BTNL8: variants seen among roughly 807,000 people sequenced by gnomAD.
BTNL8 encodes butyrophilin like 8, also known as butyrophilin-like protein 8.
BTNL8 carries 22 observed loss-of-function variants against 36.1 expected under a neutral mutation model. The ratio of observed to expected loss-of-function variants is 0.61; its 90% CI spans 0.44 to 0.87. BTNL8 has a LOEUF of 0.87. BTNL8 is among the 40% of genes least tolerant of loss of function. BTNL8 has a pLI of 0.00. For synonymous variants in BTNL8, 203 were observed against 235.6 expected, an observed-to-expected ratio of 0.86 and a Z score of 1.27; for missense variants, 526 against 616.9, an observed-to-expected ratio of 0.85 and a Z score of 1.56.
chr5:180,913,572 AG>A (rs1322830211), intron 3 of BTNL8, among the ~76,000 whole-genome samples: 1 of 152,216 alleles, frequency 6.6e-6, no homozygotes, highest in Non-Finnish European at 1.5e-5. Flanking sequence ...CAAGGACGTA[AG>A]GTTGGCTCAA....
intron 3 of BTNL8, among the ~76,000 whole-genome samples, chr5:180,945,570 G>C (rs1220842090): frequency 6.6e-6 from 1 of 152,102 alleles, no homozygotes; most frequent in Non-Finnish European, 1.5e-5. Context: ...AGCTGATAGA[G>C]GGTTAATAAC....
chr5:180,945,032 A>G (rs2113862685), intron 3 of BTNL8, among the ~76,000 whole-genome samples: 1 of 152,374 alleles, frequency 6.6e-6, no homozygotes, highest in East Asian at 1.9e-4. Context: ...TTGAGCAAAA[A>G]TAACAAAGTT....
chr5:180,908,658 T>G lies in BTNL8; in HGVS notation c.122T>G (p.Phe41Cys), dbSNP rs1199566039. ...LVGEDAAFSC[F>C]LSPKTNAEAM... ...GGGGAGGACGCAGCATTCTCCTGTT[T>G]CCTGTCTCCTAAGACCAATGCAGAG... The change falls in exon 2 of 8, where the codon TTC becomes TGC. Residue 41 changes from phenylalanine (F) to cysteine (C), a missense_variant. Transcript: ENST00000340184. The G allele has an allele frequency of 6.2e-7, 1 of 1,614,216 alleles. No individual in the cohort carries two copies. Among genetic ancestry groups the G allele is most frequent in the Admixed American group, 1.7e-5 (1 of 60,022 alleles).
chr5:180,908,790 C>G lies in BTNL8; in HGVS notation c.254C>G (p.Thr85Arg). 1.2e-6 allele frequency: 2 copies of G among 1,614,120 alleles called. No individual in the cohort carries two copies. The highest frequency in any genetic ancestry group is 2.2e-5 in the South Asian group (2 of 91,084). ...CAGATGCCACAGTATCAAGGCAGGACAAAACTGGTGAAGGATTCTATTGCG... is the reference window on the plus strand; with the variant it reads ...CAGATGCCACAGTATCAAGGCAGGAGAAAACTGGTGAAGGATTCTATTGCG... ...FMQMPQYQGR[T>R]KLVKDSIAEG... is the part of the protein sequence containing the mutation. The change falls in exon 2 of 8, where the codon ACA (threonine) becomes AGA (arginine). Residue 85 changes from threonine to arginine, a missense_variant. This residue lies in a region of BTNL8 where 350 missense variants were observed against 324.6 expected (regional missense o/e 1.08). Coordinates refer to ENST00000340184, the MANE Select transcript of BTNL8 (RefSeq NM_001040462.3).
At chr5:180,947,434 A>C in intron 3 of BTNL8, 78 bp from the exon 4 acceptor site, 1 of 1,535,552 alleles carries the variant, frequency 6.5e-7, no homozygotes, top group Non-Finnish European at 8.9e-7. Flanking sequence ...TGTGGGGAAC[A>C]AGGTGACTCC....
chr5:180,907,342 C>T lies in BTNL8; in HGVS notation c.50-1244C>T, dbSNP rs1258430038. Among the ~76,000 whole-genome samples the T allele has an allele frequency of 9.1e-5, 11 of 121,078 alleles. 1 individual carries two copies. Among genetic ancestry groups the T allele is most frequent in the African/African-American group, 2.1e-4 (5 of 24,260 alleles). The allele number at this position is 121,078 out of a possible 152,430, so 79.4% of individuals were successfully genotyped here. A position where few individuals can be genotyped will look rare whatever the true frequency, so the allele number is the denominator to read the frequency against. On this transcript the variant is annotated intron_variant, in intron 1 of 7. Coordinates refer to ENST00000340184, the MANE Select transcript of BTNL8 (RefSeq NM_001040462.3). Reference sequence around the variant, plus strand: ...GCTCCTGAGGCTTCTGCATTCTTCACGTAGTTCTTGAGCCTTGGTTTTCAG... The same window carrying T: ...GCTCCTGAGGCTTCTGCATTCTTCATGTAGTTCTTGAGCCTTGGTTTTCAG...
intron 1 of BTNL8, 121 bp downstream of exon 1, chr5:180,899,480 C>A (rs1756730736): frequency 8.7e-7 from 1 of 1,149,004 alleles, no homozygotes. Flanking sequence ...TTCTCCTAGC[C>A]TCAGCCTGGG....
chr5:180,905,861 A>G (rs1446248777), intron 1 of BTNL8, among the ~76,000 whole-genome samples: 1 of 151,058 alleles, frequency 6.6e-6, no homozygotes, highest in Admixed American at 6.6e-5. Flanking sequence ...CCTGAGTTCT[A>G]GTTTGATTGC....
At chr5:180,947,484 C>A (rs3733755) in intron 3 of BTNL8, 28 bp from the exon 4 acceptor site, 376,762 of 1,602,602 alleles carry the variant, frequency 0.24, 47,712 homozygotes, top group Non-Finnish European at 0.26. Context: ...TCACCAATAA[C>A]TAAAATGTCT....
chr5:180,941,126 AAGGAAGGAAG>A (rs1758922920), intron 3 of BTNL8, among the ~76,000 whole-genome samples: 2 of 150,130 alleles, frequency 1.3e-5, no homozygotes, highest in Non-Finnish European at 1.5e-5. Flanking sequence ...GGAAGGAAGG[AAGGAAGGAAG>A]GAAGGAAGGA....
At chr5:180,918,802 T>C (rs1307078051) in intron 3 of BTNL8, among the ~76,000 whole-genome samples, 1 of 152,238 alleles carries the variant, frequency 6.6e-6, no homozygotes, top group South Asian at 2.1e-4. Context: ...GAAGATTTTC[T>C]GGTTGGCAAA....
chr5:180,912,939 G>T (rs553828380), intron 3 of BTNL8, among the ~76,000 whole-genome samples: 43 of 152,246 alleles, frequency 2.8e-4, no homozygotes, highest in African/African-American at 9.4e-4. Context: ...TGAGTTTCTT[G>T]GTGTTGCATA....
chr5:180,909,361 A>C (rs1473701001), intron 2 of BTNL8, among the ~76,000 whole-genome samples: 1 of 152,106 alleles, frequency 6.6e-6, no homozygotes, highest in Non-Finnish European at 1.5e-5. Flanking sequence ...TCGATACTTT[A>C]TTTCTTTTTT....
At chr5:180,945,508 A>G (rs1759190135) in intron 3 of BTNL8, among the ~76,000 whole-genome samples, 1 of 152,234 alleles carries the variant, frequency 6.6e-6, no homozygotes, top group Admixed American at 6.5e-5. Flanking sequence ...GAAAACAGTT[A>G]ACAAGGTGAA....
chr5:180,927,097 C>A (rs913438537), intron 3 of BTNL8, among the ~76,000 whole-genome samples: 1 of 152,132 alleles, frequency 6.6e-6, no homozygotes, highest in Non-Finnish European at 1.5e-5. Context: ...TGGTGGATGC[C>A]CCCCTGGGAC....
Position 180,904,977 on chromosome 5 carries a change from C to T in BTNL8, c.50-3609C>T, listed in dbSNP as rs899175213. Among the ~76,000 whole-genome samples, 133 of 151,200 alleles carry T rather than the reference C, an allele frequency of 8.8e-4. 1 individual carries two copies. Among genetic ancestry groups the T allele is most frequent in the Non-Finnish European group, 1.2e-3 (84 of 67,688 alleles). On this transcript the variant is annotated intron_variant, in intron 1 of 7. Transcript: ENST00000340184. ...ATCAATGTTCATCAAGGATATTGGT[C>T]TAAAATTCTCTTTTTTTGTTGTGTC...
chr5:180,948,504 A>G (rs1434287684), intron 5 of BTNL8, 129 bp downstream of exon 5: 1 of 1,607,568 alleles, frequency 6.2e-7, no homozygotes, highest in Non-Finnish European at 8.5e-7. Flanking sequence ...GGAGGAGAGC[A>G]GCTGCTCGCT....
At chr5:180,944,683 C>T (rs537458163) in intron 3 of BTNL8, among the ~76,000 whole-genome samples, 2 of 152,314 alleles carry the variant, frequency 1.3e-5, no homozygotes, top group South Asian at 4.1e-4. Context: ...TGAATGTTCT[C>T]ACCTTAAATG....
chr5:180,917,510 G>A (rs972487779), intron 3 of BTNL8, among the ~76,000 whole-genome samples: 4 of 151,468 alleles, frequency 2.6e-5, no homozygotes, highest in African/African-American at 4.9e-5. Flanking sequence ...GTTAGACTAC[G>A]GCACTATGAA....
Sources: gnomAD v4.1 joint callset for allele counts (sites outside exome capture counted in the v4.1 genomes callset) on GRCh38, gnomAD v4.1.1 for gene constraint, gnomAD v4.1.1 regional missense constraint, MANE v1.5 for transcripts, NCBI Gene and HGNC (gene_info 2026-07-23, HGNC 2026-07-21) for gene names.